Variants in VPS13C observed in about 807,000 individuals in gnomAD.
VPS13C encodes the protein vacuolar protein sorting 13 homolog C.
VPS13C carries 358 observed loss-of-function variants against 456.8 expected under a neutral mutation model. That is an observed-to-expected ratio of 0.78 (90% CI 0.72 to 0.86). The LOEUF (loss-of-function observed/expected upper bound fraction) is 0.86. Among genes scored for constraint, VPS13C ranks in the 40% least tolerant of loss-of-function variants. VPS13C has a pLI of 0.00. For synonymous variants in VPS13C, 1,578 were observed against 1,486.7 expected (o/e 1.06, Z -1.41); for missense variants, 4,818 against 4,385.4 (o/e 1.10, Z -2.79).
chr15:61,980,314 A>C (rs1295910733), intron 22 of VPS13C, among the ~76,000 whole-genome samples: 1 of 152,204 alleles, frequency 6.6e-6, no homozygotes, highest in Non-Finnish European at 1.5e-5. Context: ...AGTCAAAGCA[A>C]AAGCAGACTA....
chr15:61,993,484 C>G (rs2046287743), intron 16 of VPS13C, among the ~76,000 whole-genome samples: 1 of 152,032 alleles, frequency 6.6e-6, no homozygotes, highest in South Asian at 2.1e-4. Flanking sequence ...TCAACTTCCT[C>G]CCAAGTCTCT....
chr15:62,044,699 T>A (rs1206364823), intron 1 of VPS13C, among the ~76,000 whole-genome samples: 2 of 152,154 alleles, frequency 1.3e-5, no homozygotes, highest in Non-Finnish European at 2.9e-5. Flanking sequence ...GTCTTTCATG[T>A]CTCCAAACAT....
intron 13 of VPS13C, among the ~76,000 whole-genome samples, chr15:62,009,366 A>G (rs191965080): frequency 1.3e-3 from 203 of 152,118 alleles, no homozygotes; most frequent in African/African-American, 4.6e-3. Context: ...GAAGATTAAA[A>G]AAAAAAAAGG....
intron 18 of VPS13C, among the ~76,000 whole-genome samples, chr15:61,986,606 T>C (rs1043329974): frequency 2.0e-5 from 3 of 152,244 alleles, no homozygotes; most frequent in African/African-American, 4.8e-5. Context: ...TTTTCCCAAA[T>C]TGATGAAACC....
intron 12 of VPS13C, among the ~76,000 whole-genome samples, 168 bp from the exon 13 acceptor site, chr15:62,010,767 A>G (rs552746630): frequency 7.2e-5 from 11 of 152,350 alleles, no homozygotes; most frequent in South Asian, 6.2e-4. Flanking sequence ...TTCTACTTAT[A>G]TGCATAATAA....
At chr15:61,892,866 C>A (rs147266896) in intron 66 of VPS13C, among the ~76,000 whole-genome samples, 73 of 152,234 alleles carry the variant, frequency 4.8e-4, no homozygotes, top group Non-Finnish European at 9.0e-4. Context: ...GTATTAGAGG[C>A]TCTCAACAGC....
At chr15:62,037,371 AT>A (rs2048083984) in intron 3 of VPS13C, among the ~76,000 whole-genome samples, 2 of 87,638 alleles carry the variant, frequency 2.3e-5, no homozygotes, top group Non-Finnish European at 4.5e-5. Flanking sequence ...TATATAATAT[AT>A]TATATATAAA....
chr15:61,991,616 T>C, intron 17 of VPS13C, 57 bp downstream of exon 17: 2 of 1,523,876 alleles, frequency 1.3e-6, no homozygotes, highest in South Asian at 1.4e-5. Context: ...AGATATAATT[T>C]ACACAGTTTT....
intron 66 of VPS13C, chr15:61,906,913 T>G (rs2140133993): frequency 4.4e-6 from 1 of 226,080 alleles, no homozygotes; most frequent in African/African-American, 2.3e-5. Flanking sequence ...AAAACAAGCT[T>G]TAAAAACTCA....
chr15:62,004,273 A>C (rs908327996), intron 15 of VPS13C, among the ~76,000 whole-genome samples: 1 of 151,164 alleles, frequency 6.6e-6, no homozygotes, highest in African/African-American at 2.4e-5. Flanking sequence ...CGAGGAATTT[A>C]TCCATTTCTT....
chr15:61,862,890 T>A lies in VPS13C; in HGVS notation c.10952+550A>T, dbSNP rs545998769. The stretch of plus-strand genomic sequence containing the variant: ...AAGAAAGTTCTGAAAATTATTAATA[T>A]ATAATTGTCATTTTGGGATAATTTT... On this transcript the variant is annotated intron_variant, in intron 82 of 84. Coordinates refer to ENST00000644861, the MANE Select transcript of VPS13C (RefSeq NM_020821.3). Among the ~76,000 whole-genome samples the A allele has an allele frequency of 2.3e-4, 35 of 152,256 alleles. 3 individuals carry two copies. The East Asian group carries it at 6.8e-3, about 29-fold the overall frequency.
chr15:61,994,370 C>G (rs186140517), intron 16 of VPS13C, among the ~76,000 whole-genome samples: 3 of 152,266 alleles, frequency 2.0e-5, no homozygotes, highest in Admixed American at 2.0e-4. Flanking sequence ...TCCTCTCTTT[C>G]ATAGGAACAA....
intron 15 of VPS13C, among the ~76,000 whole-genome samples, chr15:62,004,202 G>A (rs1252659480): frequency 5.9e-5 from 9 of 151,478 alleles, no homozygotes; most frequent in African/African-American, 1.9e-4. Flanking sequence ...TTCAGATCCT[G>A]TTATTGGTCT....
In VPS13C at chr15:61,874,952, C is replaced by G; in HGVS notation, c.10339-1G>C. The G allele has an allele frequency of 6.5e-7, 1 of 1,540,902 alleles. No homozygotes were observed. ...ATTCTTCAGGGCCTTGAACAGCACC[C>G]TGGCAAAAAAAAATAAAAAATAATC... On this transcript the variant is annotated splice_acceptor_variant, in intron 76 of 84. Coordinates refer to ENST00000644861, the MANE Select transcript of VPS13C (RefSeq NM_020821.3). LOFTEE classifies it high-confidence loss of function.
chr15:61,989,999 AAC>A (rs2046174849), intron 18 of VPS13C, among the ~76,000 whole-genome samples: 4 of 152,210 alleles, frequency 2.6e-5, no homozygotes, highest in African/African-American at 9.7e-5. Context: ...AATGTTCATC[AAC>A]AACAGTACAA....
intron 45 of VPS13C, among the ~76,000 whole-genome samples, chr15:61,945,419 A>G (rs2044569699): frequency 6.6e-6 from 1 of 152,248 alleles, no homozygotes. Context: ...ACTCTTAAAT[A>G]TATCTCATTA....
At chr15:61,890,502 A>T in intron 66 of VPS13C, 102 bp from the exon 67 acceptor site, 2 of 1,002,648 alleles carry the variant, frequency 2.0e-6, no homozygotes, top group Non-Finnish European at 2.9e-6. Flanking sequence ...AAGAAGCACT[A>T]CTATAAATTG....
In VPS13C at chr15:61,877,069, A is replaced by G; in HGVS notation, c.10143-15T>C. 1 of 1,583,006 alleles carries G rather than the reference A, an allele frequency of 6.3e-7. No individual in the cohort carries two copies. The highest frequency in any genetic ancestry group is 8.6e-7 in the Non-Finnish European group (1 of 1,160,412). On this transcript the variant is annotated splice_polypyrimidine_tract_variant and intron_variant, in intron 74 of 84. Coordinates refer to ENST00000644861, the MANE Select transcript of VPS13C (RefSeq NM_020821.3). ...AATAAGCAAGTCTGGGAGGAGAAAA[A>G]GGAAAGATTCAAAGATACTAATATT...
chr15:61,993,538 T>A (rs1222924234), intron 16 of VPS13C, among the ~76,000 whole-genome samples: 2 of 152,120 alleles, frequency 1.3e-5, no homozygotes, highest in African/African-American at 2.4e-5. Flanking sequence ...AAAGCCATTA[T>A]TAGCATTAGC....
Sources: allele counts gnomAD v4.1 joint callset (sites outside exome capture counted in the v4.1 genomes callset), GRCh38; gene constraint gnomAD v4.1.1; transcripts MANE v1.5; gene names NCBI Gene and HGNC (gene_info 2026-07-23, HGNC 2026-07-21).